KITLG: variants seen among roughly 807,000 people sequenced by gnomAD.
KITLG encodes the protein c-Kit ligand.
Under a neutral mutation model 34.1 loss-of-function variants are expected in KITLG, and 13 were observed. That is an observed-to-expected ratio of 0.38 (90% CI 0.25 to 0.61). KITLG has a LOEUF of 0.61. KITLG is among the 20% of genes least tolerant of loss of function. The pLI, the probability that KITLG is intolerant of heterozygous loss-of-function variation, is 0.60. For synonymous variants in KITLG, 110 were observed against 104.0 expected, an observed-to-expected ratio of 1.06 and a Z score of -0.35; for missense variants, 292 against 318.9, an observed-to-expected ratio of 0.92 and a Z score of 0.64.
chr12:88,505,640 A>G (rs1253992094), intron 8 of KITLG, among the ~76,000 whole-genome samples: 1 of 152,222 alleles, frequency 6.6e-6, no homozygotes, highest in Admixed American at 6.5e-5. Flanking sequence ...CAGTGAATGG[A>G]AAGTCATCTT....
At chr12:88,527,542 A>G (rs938717605) in intron 3 of KITLG, among the ~76,000 whole-genome samples, 1 of 152,242 alleles carries the variant, frequency 6.6e-6, no homozygotes, top group African/African-American at 2.4e-5. Flanking sequence ...AGTCTGAACG[A>G]AAAACTGACA....
At chr12:88,532,389 C>G in intron 3 of KITLG, 52 bp downstream of exon 3, 1 of 1,263,268 alleles carries the variant, frequency 7.9e-7, no homozygotes, top group Non-Finnish European at 1.2e-6. Flanking sequence ...ATGAATGATC[C>G]CATTTCTTCT....
At chr12:88,503,744 C>T (rs1254521762) in intron 9 of KITLG, among the ~76,000 whole-genome samples, 3 of 152,170 alleles carry the variant, frequency 2.0e-5, no homozygotes, top group Non-Finnish European at 2.9e-5. Flanking sequence ...CAGACCCACA[C>T]AGTCACAGCA....
intron 2 of KITLG, chr12:88,534,592 C>T (rs1163370492): frequency 2.3e-6 from 1 of 433,400 alleles, no homozygotes; most frequent in South Asian, 1.7e-5. Flanking sequence ...GTCTCAAACT[C>T]CTGGCCTCAA....
chr12:88,509,817 G>T (rs190300141), intron 6 of KITLG, among the ~76,000 whole-genome samples: 5 of 152,266 alleles, frequency 3.3e-5, no homozygotes, highest in East Asian at 1.9e-4. Context: ...TATCAGAAGA[G>T]ATTTGCTTAT....
At chr12:88,556,548 C>T (rs1871104488) in intron 1 of KITLG, among the ~76,000 whole-genome samples, 1 of 152,074 alleles carries the variant, frequency 6.6e-6, no homozygotes, top group Non-Finnish European at 1.5e-5. Context: ...AACGGAAGAT[C>T]TTGGTGACTA....
intron 1 of KITLG, among the ~76,000 whole-genome samples, chr12:88,570,716 T>A (rs1871620722): frequency 6.6e-6 from 1 of 152,208 alleles, no homozygotes; most frequent in Admixed American, 6.5e-5. Flanking sequence ...GCAAGTTTTC[T>A]TAATCTCTCT....
chr12:88,506,487 GTTTT>G (rs1869066414), intron 7 of KITLG, 109 bp from the exon 8 acceptor site: 2 of 809,336 alleles, frequency 2.5e-6, no homozygotes, highest in Non-Finnish European at 4.3e-6. Flanking sequence ...TCCAATAACA[GTTTT>G]TTCAGCATGT....
At chr12:88,510,475 T>C (rs991802186) in intron 6 of KITLG, among the ~76,000 whole-genome samples, 8 of 152,054 alleles carry the variant, frequency 5.3e-5, no homozygotes, top group African/African-American at 1.9e-4. Flanking sequence ...GACCGAAGAG[T>C]CAAAAGAGTT....
At chr12:88,580,210 C>T (rs1015657687) in intron 1 of KITLG, 54 bp downstream of exon 1, 5 of 1,575,164 alleles carry the variant, frequency 3.2e-6, no homozygotes, top group Non-Finnish European at 4.3e-6. Flanking sequence ...CCCCGGGGCA[C>T]CGGGCGCGAT....
At chr12:88,536,403 C>A (rs1870318263) in intron 2 of KITLG, among the ~76,000 whole-genome samples, 1 of 152,064 alleles carries the variant, frequency 6.6e-6, no homozygotes, top group African/African-American at 2.4e-5. Context: ...TAAATTAGTT[C>A]AACCATTGTG....
At chr12:88,514,401 G>T (rs978567560) in intron 6 of KITLG, among the ~76,000 whole-genome samples, 1 of 151,484 alleles carries the variant, frequency 6.6e-6, no homozygotes, top group African/African-American at 2.4e-5. Flanking sequence ...TCCATAGTTG[G>T]TAAGAAAACC....
Position 88,580,469 on chromosome 12 carries a change from A to AAG in KITLG, c.-192_-191insCT. On this transcript the variant is annotated 5_prime_UTR_variant, in exon 1 of 10. Coordinates refer to ENST00000644744, the MANE Select transcript of KITLG (RefSeq NM_000899.5). The stretch of plus-strand genomic sequence containing the variant: ...AGTCTCGGCGCGAGGCGGCGAGCGA[A>AAG]GCCCGGCTGCTGAGCCGCCGGCGCT... The AAG allele has an allele frequency of 1.4e-6, 1 of 698,692 alleles. No individual in the cohort carries two copies. The highest frequency in any genetic ancestry group is 2.4e-6 in the Non-Finnish European group (1 of 415,276). The allele number at this position is 698,692 out of a possible 1,614,324, so 43.3% of individuals were successfully genotyped here.
At chr12:88,553,093 T>C (rs1347223067) in intron 1 of KITLG, among the ~76,000 whole-genome samples, 1 of 150,360 alleles carries the variant, frequency 6.7e-6, no homozygotes, top group Non-Finnish European at 1.5e-5. Flanking sequence ...AGATCTCCCA[T>C]ATACAAAGAG....
intron 2 of KITLG, among the ~76,000 whole-genome samples, chr12:88,545,161 CTT>C (rs113524608): frequency 6.6e-6 from 1 of 152,096 alleles, no homozygotes; most frequent in Admixed American, 6.5e-5. Flanking sequence ...CTGGCAGTGA[CTT>C]GGGGAAGCAA....
chr12:88,527,373 T>G (rs1437900840), intron 3 of KITLG, among the ~76,000 whole-genome samples: 1 of 151,926 alleles, frequency 6.6e-6, no homozygotes, highest in Non-Finnish European at 1.5e-5. Flanking sequence ...AGCCCAGAGG[T>G]AAGTAACAGG....
chr12:88,573,784 G>A (rs1871735902), intron 1 of KITLG, among the ~76,000 whole-genome samples: 1 of 152,130 alleles, frequency 6.6e-6, no homozygotes, highest in Admixed American at 6.5e-5. Flanking sequence ...GGTGAACAAG[G>A]CTTGCTTTTT....
At chr12:88,567,430 C>G (rs903878547) in intron 1 of KITLG, among the ~76,000 whole-genome samples, 1 of 152,150 alleles carries the variant, frequency 6.6e-6, no homozygotes, top group African/African-American at 2.4e-5. Flanking sequence ...AAGAACATAA[C>G]AGTTTAATGT....
intron 9 of KITLG, among the ~76,000 whole-genome samples, chr12:88,504,198 A>C (rs1396011610): frequency 6.6e-6 from 1 of 152,184 alleles, no homozygotes; most frequent in Non-Finnish European, 1.5e-5. Context: ...TACACAATGA[A>C]TTAGATATGC....
Sources: allele counts gnomAD v4.1 joint callset (sites outside exome capture counted in the v4.1 genomes callset), GRCh38; gene constraint gnomAD v4.1.1; transcripts MANE v1.5; gene names NCBI Gene and HGNC (gene_info 2026-07-23, HGNC 2026-07-21).